ZFHX3: variants seen among roughly 807,000 people sequenced by gnomAD.
ZFHX3 encodes the protein zinc finger homeobox 3.
ZFHX3 carries 42 observed loss-of-function variants against 279.1 expected under a neutral mutation model. The ratio of observed to expected loss-of-function variants is 0.15; its 90% CI spans 0.12 to 0.19. ZFHX3 has a LOEUF of 0.19. Among genes scored for constraint, ZFHX3 ranks in the 10% least tolerant of loss-of-function variants. The pLI, the probability that ZFHX3 is intolerant of heterozygous loss-of-function variation, is 1.00. For synonymous variants in ZFHX3, 2,293 were observed against 1,957.8 expected, an observed-to-expected ratio of 1.17 and a Z score of -4.52; for missense variants, 4,981 against 4,754.0, an observed-to-expected ratio of 1.05 and a Z score of -1.40.
intron 2 of ZFHX3, among the ~76,000 whole-genome samples, chr16:73,476,255 A>C (rs2143614457): frequency 6.6e-6 from 1 of 152,194 alleles, no homozygotes; most frequent in East Asian, 1.9e-4. Context: ...TTTAACGTAA[A>C]GTTTTTTTGA....
At chr16:73,561,639 G>A (rs1269418412) in intron 2 of ZFHX3, among the ~76,000 whole-genome samples, 2 of 152,096 alleles carry the variant, frequency 1.3e-5, no homozygotes, top group African/African-American at 4.8e-5. Context: ...AAAATAACTA[G>A]GGTTTATTAT....
intron 3 of ZFHX3, among the ~76,000 whole-genome samples, chr16:72,897,749 C>A (rs1384102623): frequency 6.6e-6 from 1 of 152,226 alleles, no homozygotes; most frequent in South Asian, 2.1e-4. Flanking sequence ...CCTACACACA[C>A]TTTTAAATTT....
chr16:73,565,203 G>T (rs1454273927), intron 2 of ZFHX3, among the ~76,000 whole-genome samples: 1 of 151,458 alleles, frequency 6.6e-6, no homozygotes, highest in Non-Finnish European at 1.5e-5. Flanking sequence ...GCAGTGAGCC[G>T]AGATAGTGCC....
intron 7 of ZFHX3, among the ~76,000 whole-genome samples, chr16:73,106,614 C>A (rs1490104428): frequency 1.3e-5 from 2 of 152,154 alleles, no homozygotes; most frequent in Non-Finnish European, 2.9e-5. Context: ...AAATCTTGCA[C>A]GGCAATAACT....
chr16:73,519,860 C>T (rs1304500377), intron 2 of ZFHX3, among the ~76,000 whole-genome samples: 1 of 152,096 alleles, frequency 6.6e-6, no homozygotes, highest in African/African-American at 2.4e-5. Context: ...TCACAAACTA[C>T]TAGGAATTAA....
chr16:72,907,759 C>A lies in ZFHX3; in HGVS notation c.3217-17797G>T, dbSNP rs190452330. On this transcript the variant is annotated intron_variant, in intron 3 of 9. Coordinates refer to ENST00000268489, the MANE Select transcript of ZFHX3 (RefSeq NM_006885.4). ...TGGCAGGTGGCAGGATCTCGGCTCA[C>A]TGCTACCTCTGAGTCCCAGGCTCAA... Among the ~76,000 whole-genome samples, 153 of 151,634 alleles carry A rather than the reference C, an allele frequency of 1.0e-3. 1 individual carries two copies. Among genetic ancestry groups the A allele is most frequent in the Non-Finnish European group, 1.9e-3 (129 of 67,934 alleles).
At position 73,678,057 on chromosome 16, in the gene ZFHX3, G is replaced by T. The variant is rs2052972466; in HGVS notation, c.-1547+2123C>A. Reference sequence around the variant, plus strand: ...CAAATGCAAAAGTAAAGAAAATTTTGTAAGAGAAGAACAGAGACAAGTTTG... The same window carrying T: ...CAAATGCAAAAGTAAAGAAAATTTTTTAAGAGAAGAACAGAGACAAGTTTG... On this transcript the variant is annotated intron_variant, in intron 2 of 17. Coordinates refer to the ZFHX3 transcript ENST00000641206. 2.0e-5 allele frequency among the ~76,000 whole-genome samples: 3 copies of T among 152,176 alleles called. 1 individual carries two copies. In the South Asian group the frequency reaches 6.2e-4, roughly 31 times the overall value.
intron 1 of ZFHX3, among the ~76,000 whole-genome samples, chr16:73,710,199 A>C (rs2053345037): frequency 1.3e-5 from 2 of 152,162 alleles, no homozygotes; most frequent in South Asian, 4.1e-4. Context: ...AAAACAAAAC[A>C]ATTAAGAAAT....
At chr16:73,240,020 T>TG (rs1221404605) in intron 5 of ZFHX3, among the ~76,000 whole-genome samples, 4 of 138,966 alleles carry the variant, frequency 2.9e-5, no homozygotes, top group Admixed American at 1.5e-4. Context: ...AGAACCTTAT[T>TG]TTGTGTGTGT....
chr16:73,791,504 G>A (rs1465074419), intron 1 of ZFHX3, among the ~76,000 whole-genome samples: 4 of 151,922 alleles, frequency 2.6e-5, no homozygotes, highest in African/African-American at 9.7e-5. Flanking sequence ...GGCTCACTGC[G>A]ACCTCCGTCT....
intron 5 of ZFHX3, among the ~76,000 whole-genome samples, chr16:73,240,475 T>C (rs1215789469): frequency 6.6e-6 from 1 of 152,158 alleles, no homozygotes; most frequent in Non-Finnish European, 1.5e-5. Flanking sequence ...CACCTCGGCC[T>C]CTCAAAGTCC....
intron 3 of ZFHX3, among the ~76,000 whole-genome samples, chr16:72,937,571 G>C (rs892306791): frequency 6.6e-6 from 1 of 152,212 alleles, no homozygotes; most frequent in African/African-American, 2.4e-5. Context: ...GGGCAATGCG[G>C]CCTTGGGCCT....
chr16:73,515,900 G>C (rs958874485), intron 2 of ZFHX3, among the ~76,000 whole-genome samples: 7 of 152,216 alleles, frequency 4.6e-5, no homozygotes, highest in African/African-American at 1.7e-4. Flanking sequence ...AGATGATGTA[G>C]AGTCAGTCAA....
chr16:73,362,051 G>A (rs560181248), intron 3 of ZFHX3, among the ~76,000 whole-genome samples: 108 of 152,206 alleles, frequency 7.1e-4, no homozygotes, highest in Non-Finnish European at 1.3e-3. Context: ...ACTCCATCTG[G>A]GACAACTTGT....
chr16:72,788,086 T>C lies in ZFHX3; in HGVS notation c.10190A>G (p.Lys3397Arg). The C allele has an allele frequency of 6.2e-7, 1 of 1,612,044 alleles. No homozygotes were observed. ...QQQKVQQQQP[K>R]ASQTPVPPGA... ...GGGGGGGACTGGGGTTTGGCTTGCT[T>C]TGGGCTGCTGCTGCTGCACTTTTTG... is the stretch of plus-strand genomic sequence containing the variant. Residue 3397 changes from lysine to arginine, a missense_variant, in exon 10 of 10, where the codon AAA becomes AGA. Coordinates refer to ENST00000268489, the MANE Select transcript of ZFHX3 (RefSeq NM_006885.4).
chr16:73,187,151 CACA>C (rs1967929845), intron 5 of ZFHX3, among the ~76,000 whole-genome samples: 1 of 146,552 alleles, frequency 6.8e-6, no homozygotes, highest in Non-Finnish European at 1.5e-5. Flanking sequence ...GTCTCACACA[CACA>C]CACACACACA....
intron 2 of ZFHX3, among the ~76,000 whole-genome samples, chr16:73,518,265 A>G (rs1597367293): frequency 6.6e-6 from 1 of 152,332 alleles, no homozygotes; most frequent in East Asian, 1.9e-4. Flanking sequence ...TGCTGATCTA[A>G]GACTCAGCAT....
chr16:73,780,789 C>A (rs1209263528), intron 1 of ZFHX3, among the ~76,000 whole-genome samples: 1 of 152,164 alleles, frequency 6.6e-6, no homozygotes, highest in Non-Finnish European at 1.5e-5. Context: ...CTGTTAATTT[C>A]TTTCCATTTG....
chr16:73,090,031 C>T (rs1004897203), intron 8 of ZFHX3, among the ~76,000 whole-genome samples: 3 of 152,198 alleles, frequency 2.0e-5, no homozygotes, highest in Non-Finnish European at 4.4e-5. Flanking sequence ...CAATATCAAC[C>T]CCTCCAGGCT....
Sources: gnomAD v4.1 joint callset for allele counts (sites outside exome capture counted in the v4.1 genomes callset) on GRCh38, gnomAD v4.1.1 for gene constraint, MANE v1.5 for transcripts, NCBI Gene and HGNC (gene_info 2026-07-23, HGNC 2026-07-21) for gene names.